SCMH1: variants seen among roughly 807,000 people sequenced by gnomAD.
The protein encoded by SCMH1 is polycomb protein SCMH1.
Under a neutral mutation model 70.8 loss-of-function variants are expected in SCMH1, and 37 were observed. The ratio of observed to expected loss-of-function variants is 0.52; its 90% confidence interval spans 0.40 to 0.69. SCMH1 has a LOEUF of 0.69. Ranked by LOEUF, SCMH1 falls within the 30% of genes least tolerant of loss-of-function variation. The probability of loss-of-function intolerance (pLI) is 0.00; values close to 1 mark genes in which losing one functional copy is unlikely to be tolerated. For synonymous variants in SCMH1, 292 were observed against 307.4 expected (o/e 0.95, Z 0.52); for missense variants, 607 against 827.3 (o/e 0.73, Z 3.27).
chr1:41,231,128 T>C (rs942737019), intron 1 of SCMH1, among the ~76,000 whole-genome samples: 1 of 152,174 alleles, frequency 6.6e-6, no homozygotes, highest in South Asian at 2.1e-4. Flanking sequence ...CTGATCAAAC[T>C]GTGGTCTATT....
intron 2 of SCMH1, among the ~76,000 whole-genome samples, chr1:41,162,551 C>T (rs760646955): frequency 6.6e-6 from 1 of 152,162 alleles, no homozygotes; most frequent in Non-Finnish European, 1.5e-5. Context: ...GAGCAGAGGA[C>T]GAAGATATGA....
At chr1:41,241,505 G>T (rs1663534075) in intron 1 of SCMH1, among the ~76,000 whole-genome samples, 3 of 148,060 alleles carry the variant, frequency 2.0e-5, no homozygotes, top group Non-Finnish European at 3.0e-5. Flanking sequence ...CTCTCGGTGG[G>T]GGCCACGCCG....
intron 8 of SCMH1, among the ~76,000 whole-genome samples, chr1:41,084,869 T>A (rs1398788220): frequency 6.6e-6 from 1 of 150,820 alleles, no homozygotes; most frequent in Non-Finnish European, 1.5e-5. Context: ...CAGTAAACTA[T>A]CGCAAGAACA....
chr1:41,145,427 A>G (rs1312744163), intron 5 of SCMH1, among the ~76,000 whole-genome samples: 1 of 152,120 alleles, frequency 6.6e-6, no homozygotes, highest in Admixed American at 6.5e-5. Flanking sequence ...CTATATGTCT[A>G]TTTTCCTGCC....
chr1:41,233,474 T>A (rs750293866), intron 1 of SCMH1, among the ~76,000 whole-genome samples: 1 of 152,102 alleles, frequency 6.6e-6, no homozygotes, highest in Non-Finnish European at 1.5e-5. Context: ...AGATCAAAAG[T>A]CTTTCGATCA....
Position 41,035,761 on chromosome 1 carries a change from T to A in SCMH1, c.1678+1601A>T, listed in dbSNP as rs137905443. The stretch of plus-strand genomic sequence containing the variant: ...CTTGAAGGGCTCCCATTCTGAAAGA[T>A]CTTCTTTGACTTAGAGTCCTACTCA... On this transcript the variant is annotated intron_variant, in intron 13 of 14. Transcript: ENST00000337495. Among the ~76,000 whole-genome samples, 675 of 152,340 alleles carry A rather than the reference T, an allele frequency of 4.4e-3. 5 individuals carry two copies. The highest frequency in any genetic ancestry group is 0.016 in the African/African-American group (647 of 41,560).
intron 1 of SCMH1, among the ~76,000 whole-genome samples, chr1:41,240,921 C>T (rs1663385100): frequency 6.6e-6 from 1 of 152,046 alleles, no homozygotes; most frequent in South Asian, 2.1e-4. Flanking sequence ...GAAACTAAAG[C>T]TCATCCAGAG....
intron 1 of SCMH1, among the ~76,000 whole-genome samples, chr1:41,210,980 T>G (rs113058391): frequency 0.027 from 4,163 of 152,150 alleles, 182 homozygotes; most frequent in African/African-American, 0.095. Context: ...CAGCTAATGT[T>G]TGTATTTTTC....
intron 1 of SCMH1, among the ~76,000 whole-genome samples, chr1:41,236,578 T>C (rs1041313530): frequency 6.6e-6 from 1 of 152,102 alleles, no homozygotes; most frequent in African/African-American, 2.4e-5. Context: ...AGGTGATAAG[T>C]CTTGCTGGGT....
chr1:41,067,549 CTGAAA>C, intron 10 of SCMH1, among the ~76,000 whole-genome samples: 1 of 149,816 alleles, frequency 6.7e-6, no homozygotes, highest in Non-Finnish European at 1.5e-5. Flanking sequence ...AGAAGCCAAT[CTGAAA>C]AGGTGGCATA....
intron 10 of SCMH1, among the ~76,000 whole-genome samples, chr1:41,055,738 T>C (rs1383845620): frequency 1.3e-5 from 2 of 152,154 alleles, no homozygotes; most frequent in East Asian, 3.8e-4. Flanking sequence ...CACTGTGTGT[T>C]AGGTAGGTAG....
At chr1:41,066,160 C>T (rs902825351) in intron 10 of SCMH1, among the ~76,000 whole-genome samples, 9 of 152,166 alleles carry the variant, frequency 5.9e-5, no homozygotes, top group South Asian at 2.1e-4. Flanking sequence ...GAAAATGGTG[C>T]GTCAACTGTA....
At chr1:41,204,134 C>T (rs999388827) in intron 1 of SCMH1, among the ~76,000 whole-genome samples, 2 of 152,076 alleles carry the variant, frequency 1.3e-5, no homozygotes, top group African/African-American at 2.4e-5. Flanking sequence ...TTATAATTTG[C>T]CCAAGGTTAC....
intron 13 of SCMH1, among the ~76,000 whole-genome samples, chr1:41,035,987 C>T (rs531866447): frequency 6.6e-6 from 1 of 152,354 alleles, no homozygotes; most frequent in South Asian, 2.1e-4. Context: ...CTGGCCACCA[C>T]AATATCAAAT....
At chr1:41,151,726 A>C in intron 4 of SCMH1, 42 bp from the exon 5 acceptor site, 1 of 1,458,552 alleles carries the variant, frequency 6.9e-7, no homozygotes. Flanking sequence ...CAACTTCCTA[A>C]AAAAAATGTT....
At chr1:41,164,548 A>G (rs563376114) in intron 2 of SCMH1, among the ~76,000 whole-genome samples, 1 of 152,288 alleles carries the variant, frequency 6.6e-6, no homozygotes, top group African/African-American at 2.4e-5. Flanking sequence ...CCCAGTAAGT[A>G]GTATAGTAAC....
chr1:41,105,897 CAG>C lies in SCMH1; in HGVS notation c.745+7384_745+7385del, dbSNP rs1289764399. Reference sequence around the variant, plus strand: ...TGATAGTTTTTTTTTTTTTTTGAGACAGAGTCTTGCTCTGTCACTCAGGCTGG... The same window carrying C: ...TGATAGTTTTTTTTTTTTTTTGAGACAGTCTTGCTCTGTCACTCAGGCTGG... On this transcript the variant is annotated intron_variant, in intron 8 of 14. Coordinates refer to ENST00000337495, the Ensembl canonical transcript of SCMH1. Among the ~76,000 whole-genome samples, 19 of 148,374 alleles carry C rather than the reference CAG, an allele frequency of 1.3e-4. No homozygotes were observed. In the East Asian group the frequency reaches 3.4e-3, roughly 26 times the overall value.
intron 6 of SCMH1, among the ~76,000 whole-genome samples, chr1:41,132,249 G>A (rs1350152624): frequency 6.6e-5 from 10 of 152,242 alleles, no homozygotes; most frequent in Middle Eastern, 3.4e-3. Context: ...TCTAACTGGC[G>A]TGAGATGGTA....
At chr1:41,058,954 C>A (rs1651592606) in intron 10 of SCMH1, among the ~76,000 whole-genome samples, 1 of 152,112 alleles carries the variant, frequency 6.6e-6, no homozygotes, top group East Asian at 1.9e-4. Flanking sequence ...AGATTATAGA[C>A]CTGAAGTTGC....
Sources: allele counts gnomAD v4.1 joint callset (sites outside exome capture counted in the v4.1 genomes callset), GRCh38; gene constraint gnomAD v4.1.1; transcripts MANE v1.5; gene names NCBI Gene and HGNC (gene_info 2026-07-23, HGNC 2026-07-21).